Variants in AGBL1 observed in about 807,000 individuals in gnomAD.
AGBL1 encodes the protein cytosolic carboxypeptidase 4.
In AGBL1, 130 loss-of-function variants were observed where a neutral mutation model predicts 118.9. That is an observed-to-expected ratio of 1.09 (90% CI 0.95 to 1.26). AGBL1 has a LOEUF of 1.26. Ranked by LOEUF, AGBL1 falls within the 50% of genes most tolerant of loss-of-function variation. The pLI, the probability that AGBL1 is intolerant of heterozygous loss-of-function variation, is 0.00. For missense variants in AGBL1, 1,584 were observed against 1,298.1 expected (o/e 1.22, Z -3.38); for synonymous variants, 555 against 478.9 (o/e 1.16, Z -2.08).
chr15:86,928,394 G>C (rs1437107678), intron 23 of AGBL1, among the ~76,000 whole-genome samples: 2 of 152,168 alleles, frequency 1.3e-5, no homozygotes, highest in African/African-American at 2.4e-5. Context: ...AAGATTTTCA[G>C]GTCCCGTCTG....
intron 5 of AGBL1, among the ~76,000 whole-genome samples, chr15:86,164,380 A>T (rs909857851): frequency 2.0e-5 from 3 of 152,162 alleles, no homozygotes; most frequent in Admixed American, 1.3e-4. Flanking sequence ...GAGCTGTCCA[A>T]ACTCACTAAG....
intron 17 of AGBL1, among the ~76,000 whole-genome samples, chr15:86,353,611 A>G (rs1028029349): frequency 1.3e-5 from 2 of 152,240 alleles, no homozygotes; most frequent in African/African-American, 4.8e-5. Context: ...TGATAAAATC[A>G]TTTGAAGAAT....
intron 18 of AGBL1, among the ~76,000 whole-genome samples, chr15:86,416,475 G>A (rs1218176436): frequency 6.6e-6 from 1 of 152,130 alleles, no homozygotes; most frequent in Non-Finnish European, 1.5e-5. Flanking sequence ...CCTGTCATTT[G>A]TGATAGTAAC....
chr15:86,981,184 C>G (rs2081229086), intron 23 of AGBL1, among the ~76,000 whole-genome samples: 1 of 152,112 alleles, frequency 6.6e-6, no homozygotes. Context: ...TATAAGTATA[C>G]TTTTGTTCAC....
At chr15:86,833,519 C>A (rs1440147033) in intron 22 of AGBL1, among the ~76,000 whole-genome samples, 6 of 152,034 alleles carry the variant, frequency 3.9e-5, no homozygotes, top group Non-Finnish European at 8.8e-5. Flanking sequence ...TGCCTTTTGC[C>A]TCCAGTCATG....
chr15:87,026,051 T>C (rs867144458), intron 24 of AGBL1, among the ~76,000 whole-genome samples: 2 of 151,844 alleles, frequency 1.3e-5, no homozygotes, highest in South Asian at 4.1e-4. Flanking sequence ...AAAATTAAAA[T>C]TCTAGAAGAC....
At chr15:86,606,627 G>A in intron 21 of AGBL1, among the ~76,000 whole-genome samples, 1 of 152,182 alleles carries the variant, frequency 6.6e-6, no homozygotes, top group East Asian at 1.9e-4. Flanking sequence ...CTTGAACTCT[G>A]TGAAATTAGC....
At chr15:86,656,394 G>T (rs867958071) in intron 21 of AGBL1, among the ~76,000 whole-genome samples, 2 of 152,212 alleles carry the variant, frequency 1.3e-5, no homozygotes, top group Middle Eastern at 3.4e-3. Context: ...GGCTTTAGGG[G>T]GGTTGCCTGC....
At chr15:86,172,439 G>A (rs2077428883) in intron 5 of AGBL1, among the ~76,000 whole-genome samples, 1 of 152,072 alleles carries the variant, frequency 6.6e-6, no homozygotes, top group African/African-American at 2.4e-5. Flanking sequence ...CTATGCTATT[G>A]AACACTGGAA....
intron 23 of AGBL1, among the ~76,000 whole-genome samples, chr15:86,947,711 G>A (rs928928851): frequency 6.6e-5 from 10 of 152,208 alleles, no homozygotes; most frequent in African/African-American, 2.2e-4. Context: ...TAGCTTCACC[G>A]TGTAGCAGCT....
chr15:87,009,225 TG>T (rs2081534376), intron 24 of AGBL1, among the ~76,000 whole-genome samples: 1 of 152,086 alleles, frequency 6.6e-6, no homozygotes, highest in Admixed American at 6.5e-5. Flanking sequence ...TGTGCAGTCT[TG>T]GGACTTGGTG....
intron 22 of AGBL1, among the ~76,000 whole-genome samples, chr15:86,881,499 G>C (rs1229323960): frequency 1.3e-5 from 2 of 152,164 alleles, no homozygotes; most frequent in Non-Finnish European, 2.9e-5. Context: ...AAAATTGCTA[G>C]CTTGGTTTCT....
At chr15:86,093,918 C>T (rs1896190311) in intron 1 of AGBL1, among the ~76,000 whole-genome samples, 1 of 152,082 alleles carries the variant, frequency 6.6e-6, no homozygotes, top group Non-Finnish European at 1.5e-5. Flanking sequence ...CAGCATCTTA[C>T]TGAAGTCTAT....
intron 22 of AGBL1, among the ~76,000 whole-genome samples, chr15:86,894,694 C>A (rs1003980021): frequency 1.3e-5 from 2 of 152,124 alleles, no homozygotes; most frequent in South Asian, 2.1e-4. Flanking sequence ...AGTGGTGAAA[C>A]CAGTAGGAGG....
intron 22 of AGBL1, among the ~76,000 whole-genome samples, chr15:86,712,489 A>C (rs12442329): frequency 0.33 from 50,616 of 152,100 alleles, 10,008 homozygotes; most frequent in Non-Finnish European, 0.45. Flanking sequence ...ATGAAACTTA[A>C]TGTGGCTAAG....
intron 22 of AGBL1, among the ~76,000 whole-genome samples, chr15:86,765,359 C>T (rs2078082011): frequency 6.6e-6 from 1 of 151,994 alleles, no homozygotes; most frequent in South Asian, 2.1e-4. Context: ...TTAAGGCCCT[C>T]ACAGTCTAGT....
rs181367347 is a variant in AGBL1, at chr15:86,909,866, T to A, written c.*2572T>A. On this transcript the variant is annotated 3_prime_UTR_variant, in exon 23 of 23. Coordinates refer to ENST00000614907, the MANE Select transcript of AGBL1 (RefSeq NM_001386094.1). ...CATGAGGCATGTTTCTTAAAAAACG[T>A]GACCATGACAGATAAGTTTTTATGT... 2.0e-5 allele frequency: 3 copies of A among 152,324 alleles called. No individual in the cohort carries two copies. The East Asian group carries it at 5.8e-4, about 29-fold the overall frequency. The allele number at this position is 152,324 out of a possible 1,614,324, so 9.4% of individuals were successfully genotyped here. A position where few individuals can be genotyped will look rare whatever the true frequency, so the allele number is the denominator to read the frequency against.
In AGBL1 at chr15:86,327,563, G is replaced by A. The variant is rs2080202149; in HGVS notation, c.2374+32155G>A. Among the ~76,000 whole-genome samples the A allele has an allele frequency of 7.9e-5, 12 of 152,252 alleles. 2 individuals carry two copies. In the South Asian group the frequency reaches 2.3e-3, roughly 29 times the overall value. ...GCCACCTAAGAGACAATAAATCTTA[G>A]GCATATGTGCCCAGCAGAAGTGTTT... On this transcript the variant is annotated intron_variant, in intron 17 of 22. Transcript: ENST00000614907.
intron 22 of AGBL1, among the ~76,000 whole-genome samples, chr15:86,769,928 A>C (rs1167560641): frequency 6.6e-6 from 1 of 151,972 alleles, no homozygotes; most frequent in Non-Finnish European, 1.5e-5. Context: ...TGCATATCCC[A>C]GAACAAAGGA....
Sources: allele counts gnomAD v4.1 joint callset (sites outside exome capture counted in the v4.1 genomes callset), GRCh38; gene constraint gnomAD v4.1.1; transcripts MANE v1.5; gene names NCBI Gene and HGNC (gene_info 2026-07-23, HGNC 2026-07-21).